The following CHCHD6 variants were observed in gnomAD, a reference collection of about 807,000 sequenced individuals.
CHCHD6 encodes coiled-coil-helix-coiled-coil-helix domain containing 6.
Under a neutral mutation model 32.3 loss-of-function variants are expected in CHCHD6, and 28 were observed. The ratio of observed to expected loss-of-function variants is 0.87; its 90% CI spans 0.64 to 1.19. CHCHD6 has a LOEUF of 1.19. CHCHD6 is among the 50% of genes most tolerant of loss of function. The probability of loss-of-function intolerance (pLI) is 0.00; values close to 1 mark genes in which losing one functional copy is unlikely to be tolerated. For missense variants in CHCHD6, 333 were observed against 307.0 expected (o/e 1.08, Z -0.63); for synonymous variants, 122 against 117.5 (o/e 1.04, Z -0.25).
intron 1 of CHCHD6, among the ~76,000 whole-genome samples, chr3:126,704,688 G>A (rs1378535628): frequency 6.6e-6 from 1 of 152,200 alleles, no homozygotes; most frequent in Non-Finnish European, 1.5e-5. Context: ...GGTCGGCTTA[G>A]TTTTTACGTT....
chr3:126,707,815 A>G (rs1576320139), intron 1 of CHCHD6, among the ~76,000 whole-genome samples: 2 of 152,262 alleles, frequency 1.3e-5, no homozygotes, highest in East Asian at 3.8e-4. Context: ...TGCCAGTGCC[A>G]GAGAGGCCGT....
intron 5 of CHCHD6, among the ~76,000 whole-genome samples, chr3:126,858,500 G>A (rs1008278768): frequency 6.6e-6 from 1 of 152,142 alleles, no homozygotes; most frequent in Non-Finnish European, 1.5e-5. Flanking sequence ...TCGCTGCCAG[G>A]CACCCTCCTC....
chr3:126,820,028 A>G (rs1412228321), intron 4 of CHCHD6, among the ~76,000 whole-genome samples: 1 of 152,178 alleles, frequency 6.6e-6, no homozygotes, highest in East Asian at 1.9e-4. Context: ...CAGCTCTGCT[A>G]CTTACTGTAT....
chr3:126,781,537 T>C (rs1220234035), intron 4 of CHCHD6, among the ~76,000 whole-genome samples: 1 of 152,250 alleles, frequency 6.6e-6, no homozygotes, highest in Non-Finnish European at 1.5e-5. Flanking sequence ...GCTGGCCTCC[T>C]GCCTTGTGTA....
chr3:126,709,316 T>C (rs780018861), intron 1 of CHCHD6, among the ~76,000 whole-genome samples: 2 of 152,254 alleles, frequency 1.3e-5, no homozygotes, highest in African/African-American at 2.4e-5. Context: ...TAGTCCATCC[T>C]TTTTATTGCT....
At chr3:126,921,472 A>G (rs2078245825) in intron 6 of CHCHD6, among the ~76,000 whole-genome samples, 1 of 151,050 alleles carries the variant, frequency 6.6e-6, no homozygotes. Flanking sequence ...AACCTCCTGC[A>G]TTTATTGTGT....
intron 1 of CHCHD6, among the ~76,000 whole-genome samples, chr3:126,706,440 A>G (rs984153338): frequency 2.0e-5 from 3 of 152,202 alleles, no homozygotes; most frequent in Admixed American, 6.5e-5. Flanking sequence ...ATTCCCCCCC[A>G]TGATGTATGC....
At chr3:126,863,355 T>C (rs937808822) in intron 5 of CHCHD6, among the ~76,000 whole-genome samples, 1,544 of 10,642 alleles carry the variant, frequency 0.15, no homozygotes, top group Middle Eastern at 0.25. Flanking sequence ...CCTCCTCCTC[T>C]ACCATCACCA....
intron 5 of CHCHD6, among the ~76,000 whole-genome samples, chr3:126,890,689 AG>A (rs1357182591): frequency 1.3e-5 from 2 of 152,256 alleles, no homozygotes; most frequent in African/African-American, 4.8e-5. Context: ...GTGTTCTCTA[AG>A]AACCCTACTA....
chr3:126,770,440 C>G (rs1039188581), intron 4 of CHCHD6, among the ~76,000 whole-genome samples: 1 of 152,142 alleles, frequency 6.6e-6, no homozygotes, highest in African/African-American at 2.4e-5. Flanking sequence ...AGCTTTTGCC[C>G]ATACAATATG....
chr3:126,800,059 G>C (rs1938991057), intron 4 of CHCHD6, among the ~76,000 whole-genome samples: 1 of 152,064 alleles, frequency 6.6e-6, no homozygotes. Flanking sequence ...AATCAACACT[G>C]TGCCAAATAT....
At chr3:126,708,650 G>GAAAA (rs552128932) in intron 1 of CHCHD6, among the ~76,000 whole-genome samples, 12 of 90,998 alleles carry the variant, frequency 1.3e-4, no homozygotes, top group African/African-American at 1.8e-4. Context: ...CCCATCTCTT[G>GAAAA]AAAAAAAAAA....
At chr3:126,755,364 A>G (rs553445814) in intron 4 of CHCHD6, among the ~76,000 whole-genome samples, 1 of 152,284 alleles carries the variant, frequency 6.6e-6, no homozygotes. Context: ...CCAAGAACCC[A>G]AGCGAATGCC....
At chr3:126,717,601 C>CTAAAAAA (rs1240753625) in intron 1 of CHCHD6, among the ~76,000 whole-genome samples, 2 of 152,086 alleles carry the variant, frequency 1.3e-5, no homozygotes, top group African/African-American at 4.8e-5. Context: ...GGCCTTATCT[C>CTAAAAAA]TAAAAAATAA....
chr3:126,719,457 G>C (rs1266862219), intron 1 of CHCHD6, among the ~76,000 whole-genome samples: 1 of 152,198 alleles, frequency 6.6e-6, no homozygotes, highest in African/African-American at 2.4e-5. Flanking sequence ...CCAATCACTA[G>C]TGCACCCCAT....
At chr3:126,748,235 T>C (rs1473759897) in intron 4 of CHCHD6, among the ~76,000 whole-genome samples, 3 of 152,184 alleles carry the variant, frequency 2.0e-5, no homozygotes, top group Non-Finnish European at 4.4e-5. Flanking sequence ...ATAGAGTGTC[T>C]TGGAATCACA....
Position 126,845,391 on chromosome 3 carries a change from C to T in CHCHD6, c.412-7256C>T, listed in dbSNP as rs1044307156. On this transcript the variant is annotated intron_variant, in intron 4 of 7. Coordinates refer to ENST00000290913, the MANE Select transcript of CHCHD6 (RefSeq NM_032343.3). The stretch of plus-strand genomic sequence containing the variant: ...AATTATTTTTCAAAAACATAATCTA[C>T]GTTCAAAAATATCCCATTACTTAAG... 1.4e-4 allele frequency among the ~76,000 whole-genome samples: 22 copies of T among 152,214 alleles called. No individual in the cohort carries two copies. In the East Asian group the frequency reaches 1.5e-3, roughly 11 times the overall value.
chr3:126,812,451 T>C (rs1939698614), intron 4 of CHCHD6, among the ~76,000 whole-genome samples: 1 of 152,028 alleles, frequency 6.6e-6, no homozygotes, highest in Non-Finnish European at 1.5e-5. Context: ...TCTTTTTTTT[T>C]CCACTCTTGT....
intron 5 of CHCHD6, among the ~76,000 whole-genome samples, chr3:126,856,594 G>T (rs1380544340): frequency 1.3e-5 from 2 of 152,236 alleles, no homozygotes; most frequent in African/African-American, 2.4e-5. Flanking sequence ...AGCAAAAGAA[G>T]TAGGAGTGGG....
Sources: gnomAD v4.1 joint callset for allele counts (sites outside exome capture counted in the v4.1 genomes callset) on GRCh38, gnomAD v4.1.1 for gene constraint, MANE v1.5 for transcripts, NCBI Gene and HGNC (gene_info 2026-07-23, HGNC 2026-07-21) for gene names.